The following NTN1 variants were observed in gnomAD, a reference collection of about 807,000 sequenced individuals.
NTN1 encodes the protein netrin 1.
NTN1 carries 11 observed loss-of-function variants against 54.2 expected under a neutral mutation model. The ratio of observed to expected loss-of-function variants is 0.20; its 90% CI spans 0.13 to 0.34. The LOEUF (loss-of-function observed/expected upper bound fraction) is 0.34, where lower values mean the gene tolerates loss of function less well. Among genes scored for constraint, NTN1 ranks in the 10% least tolerant of loss-of-function variants. The pLI is 1.00. For missense variants in NTN1, 740 were observed against 893.1 expected, an observed-to-expected ratio of 0.83 and a Z score of 2.18; for synonymous variants, 371 against 382.0, an observed-to-expected ratio of 0.97 and a Z score of 0.33.
chr17:9,242,679 G>T lies in NTN1; in HGVS notation c.*2711G>T. 6.6e-6 allele frequency: 1 copy of T among 152,432 alleles called. No homozygotes were observed. Among genetic ancestry groups the T allele is most frequent in the Non-Finnish European group, 1.5e-5 (1 of 68,096 alleles). The allele number at this position is 152,432 out of a possible 1,614,324, so 9.4% of individuals were successfully genotyped here. The stretch of plus-strand genomic sequence containing the variant: ...CGGTGGTCTGGCCCTTGGGGAATGC[G>T]TCAGGGTGACCAGATCCACCATGCT... On this transcript the variant is annotated 3_prime_UTR_variant, in exon 7 of 7. Transcript: ENST00000173229.
At chr17:9,023,496 G>A (rs1204651108) in intron 2 of NTN1, 105 bp downstream of exon 2, 15 of 1,267,694 alleles carry the variant, frequency 1.2e-5, no homozygotes, top group East Asian at 3.1e-5. Context: ...AGGGAACGGC[G>A]GGAGGCGCGT....
intron 2 of NTN1, among the ~76,000 whole-genome samples, chr17:9,053,207 A>T (rs903614492): frequency 1.3e-5 from 2 of 152,226 alleles, no homozygotes; most frequent in Non-Finnish European, 2.9e-5. Context: ...AACAGAGACC[A>T]TGTGGCCTGC....
At chr17:9,225,767 G>A (rs1015316910) in intron 6 of NTN1, among the ~76,000 whole-genome samples, 6 of 151,918 alleles carry the variant, frequency 3.9e-5, no homozygotes, top group Non-Finnish European at 7.4e-5. Context: ...CATAATCCCC[G>A]CTCTCTGACT....
intron 5 of NTN1, among the ~76,000 whole-genome samples, chr17:9,218,253 C>T (rs1905255546): frequency 6.6e-6 from 1 of 152,190 alleles, no homozygotes; most frequent in African/African-American, 2.4e-5. Context: ...TGCCAGACTG[C>T]CTCATTGGGC....
intron 3 of NTN1, among the ~76,000 whole-genome samples, chr17:9,170,709 A>G (rs2092385006): frequency 6.6e-6 from 1 of 152,186 alleles, no homozygotes; most frequent in East Asian, 1.9e-4. Context: ...ACCAGGCAGC[A>G]TCTGAGGGAC....
At chr17:9,169,826 T>C (rs781378183) in intron 3 of NTN1, among the ~76,000 whole-genome samples, 4 of 152,090 alleles carry the variant, frequency 2.6e-5, no homozygotes, top group South Asian at 4.2e-4. Flanking sequence ...GATCGCACCA[T>C]TGCACTCCAG....
At chr17:9,090,578 G>T (rs2092106903) in intron 2 of NTN1, among the ~76,000 whole-genome samples, 1 of 152,056 alleles carries the variant, frequency 6.6e-6, no homozygotes, top group African/African-American at 2.4e-5. Flanking sequence ...AGAAAGAGGG[G>T]GATACAGATG....
chr17:9,205,850 C>T (rs115492932), intron 5 of NTN1, among the ~76,000 whole-genome samples: 1 of 152,266 alleles, frequency 6.6e-6, no homozygotes, highest in African/African-American at 2.4e-5. Context: ...CCATGGCCGT[C>T]CTAATACCAC....
chr17:9,187,269 G>C (rs1030542884), intron 5 of NTN1, among the ~76,000 whole-genome samples: 4 of 152,096 alleles, frequency 2.6e-5, no homozygotes, highest in Non-Finnish European at 5.9e-5. Context: ...GAAGACCTTG[G>C]GAAGTCACAA....
chr17:9,096,366 C>CCTTTTTTTTTTTTTTTTTTTT lies in NTN1; in HGVS notation c.1019-66447_1019-66446insCTTTTTTTTTTTTTTTTTTTT, dbSNP rs55880198. Among the ~76,000 whole-genome samples the CCTTTTTTTTTTTTTTTTTTTT allele has an allele frequency of 8.7e-5, 8 of 91,510 alleles. 4 individuals are homozygous for CCTTTTTTTTTTTTTTTTTTTT. The highest frequency in any genetic ancestry group is 8.1e-5 in the Non-Finnish European group (4 of 49,116). The allele number at this position is 91,510 out of a possible 152,430, so 60.0% of individuals were successfully genotyped here. ...TGTCTTCCTGGGTTTTATGGGTAGA[C>CCTTTTTTTTTTTTTTTTTTTT]TTTTTTTTTTTTTTTTTTTTTTGAG... On this transcript the variant is annotated intron_variant, in intron 2 of 6. Coordinates refer to ENST00000173229, the MANE Select transcript of NTN1 (RefSeq NM_004822.3).
chr17:9,147,270 C>T (rs1482346781), intron 2 of NTN1, among the ~76,000 whole-genome samples: 1 of 152,200 alleles, frequency 6.6e-6, no homozygotes, highest in Non-Finnish European at 1.5e-5. Context: ...ATTTGGGAGG[C>T]CGAGGTGGGC....
chr17:9,031,992 G>T (rs376258174), intron 2 of NTN1, among the ~76,000 whole-genome samples: 1 of 148,340 alleles, frequency 6.7e-6, no homozygotes, highest in Admixed American at 6.7e-5. Flanking sequence ...AAAAAAAAAA[G>T]AAAAGAAATG....
At position 9,221,331 on chromosome 17, in the gene NTN1, G is replaced by C; in HGVS notation, c.1486+89G>C. The C allele has an allele frequency of 2.0e-6, 2 of 997,458 alleles. No homozygotes were observed. The highest frequency in any genetic ancestry group is 3.2e-6 in the Non-Finnish European group (2 of 620,336). 61.8% of individuals were successfully genotyped at this position (997,458 alleles called of 1,614,324 possible). A position where few individuals can be genotyped will look rare whatever the true frequency, so the allele number is the denominator to read the frequency against. On this transcript the variant is annotated intron_variant, in intron 6 of 6. Transcript: ENST00000173229. This position sits in a 1 kb window ranked among gnomAD's most constrained non-coding sequence, Gnocchi z 4.5. ...GGCTGGGGTGCAGCTGGCCCCCGAT[G>C]GGTGTTGGTCGTGAAGACCCTGTGA...
At chr17:9,094,918 G>T (rs1467535319) in intron 2 of NTN1, among the ~76,000 whole-genome samples, 1 of 149,476 alleles carries the variant, frequency 6.7e-6, no homozygotes. Flanking sequence ...GAATGCAGGA[G>T]GCAGAGGTTG....
intron 2 of NTN1, among the ~76,000 whole-genome samples, chr17:9,155,690 T>C (rs972867456): frequency 3.9e-5 from 6 of 152,164 alleles, no homozygotes; most frequent in African/African-American, 1.2e-4. Flanking sequence ...GAGAACAGCA[T>C]TTTAGGCAAA....
At chr17:9,124,932 G>A (rs960459696) in intron 2 of NTN1, among the ~76,000 whole-genome samples, 1 of 152,118 alleles carries the variant, frequency 6.6e-6, no homozygotes, top group Non-Finnish European at 1.5e-5. Context: ...TAAATGAGTC[G>A]GCATGTGTGT....
intron 2 of NTN1, among the ~76,000 whole-genome samples, chr17:9,037,066 T>A (rs2091905778): frequency 1.3e-5 from 2 of 152,320 alleles, no homozygotes; most frequent in East Asian, 3.9e-4. Flanking sequence ...CAAAGTGAGC[T>A]CACCTCTGTG....
intron 2 of NTN1, among the ~76,000 whole-genome samples, chr17:9,036,546 T>G (rs1221700886): frequency 6.6e-6 from 1 of 151,804 alleles, no homozygotes; most frequent in African/African-American, 2.4e-5. Flanking sequence ...CAGGCATGAG[T>G]CACCTGCTTG....
Position 9,241,558 on chromosome 17 carries a change from G to T in NTN1, c.*1590G>T, listed in dbSNP as rs1490728784. On this transcript the variant is annotated 3_prime_UTR_variant, in exon 7 of 7. Transcript: ENST00000173229. The stretch of plus-strand genomic sequence containing the variant: ...GGCTCCCCTCACAGTCAGGAAATTG[G>T]TTTCACTTTCCCGGCCAGAGTTTGG... 2.0e-5 allele frequency: 3 copies of T among 152,368 alleles called. No individual in the cohort carries two copies. Among genetic ancestry groups the T allele is most frequent in the African/African-American group, 4.8e-5 (2 of 41,450 alleles). The allele number at this position is 152,368 out of a possible 1,614,324, so 9.4% of individuals were successfully genotyped here.
Sources: gnomAD v4.1 joint callset for allele counts (sites outside exome capture counted in the v4.1 genomes callset) on GRCh38, gnomAD v4.1.1 for gene constraint, Gnocchi (gnomAD v3.1) non-coding constraint, MANE v1.5 for transcripts, NCBI Gene and HGNC (gene_info 2026-07-23, HGNC 2026-07-21) for gene names.